The following SLC2A5 variants were observed in gnomAD, a reference collection of about 807,000 sequenced individuals.
The protein encoded by SLC2A5 is solute carrier family 2, facilitated glucose transporter member 5.
Under a neutral mutation model 50.3 loss-of-function variants are expected in SLC2A5, and 56 were observed. The observed-to-expected ratio is 1.11, with a 90% CI of 0.90 to 1.39. SLC2A5 has a LOEUF of 1.39. SLC2A5 is among the 40% of genes most tolerant of loss of function. The pLI, the probability that SLC2A5 is intolerant of heterozygous loss-of-function variation, is 0.00. For missense variants in SLC2A5, 566 were observed against 650.1 expected (o/e 0.87, Z 1.41); for synonymous variants, 269 against 281.9 (o/e 0.95, Z 0.46).
At chr1:9,066,871 G>A (rs530595239) in intron 1 of SLC2A5, among the ~76,000 whole-genome samples, 65 of 151,992 alleles carry the variant, frequency 4.3e-4, no homozygotes, top group African/African-American at 1.5e-3. Flanking sequence ...CCAGCTACTC[G>A]GGAGGCTGAG....
At chr1:9,074,913 C>A (rs1642263260) in intron 2 of SLC2A5, among the ~76,000 whole-genome samples, 1 of 151,946 alleles carries the variant, frequency 6.6e-6, no homozygotes, top group Non-Finnish European at 1.5e-5. Flanking sequence ...GTCCCAGCTA[C>A]TTGAGAGGCT....
chr1:9,075,909 C>T (rs374952060), intron 2 of SLC2A5, among the ~76,000 whole-genome samples: 26 of 152,054 alleles, frequency 1.7e-4, no homozygotes, highest in East Asian at 5.8e-4. Context: ...GATCCACCCA[C>T]CTCGGCCTCC....
chr1:9,046,109 A>C (rs550263196), intron 4 of SLC2A5, among the ~76,000 whole-genome samples: 1 of 152,244 alleles, frequency 6.6e-6, no homozygotes, highest in South Asian at 2.1e-4. Context: ...TGCGTTTGGA[A>C]GGAACAAATG....
intron 1 of SLC2A5, among the ~76,000 whole-genome samples, chr1:9,064,363 G>C (rs1328976118): frequency 6.6e-6 from 1 of 152,018 alleles, no homozygotes; most frequent in Non-Finnish European, 1.5e-5. Context: ...TTGTTAAAAT[G>C]AGAAGCCCCA....
At chr1:9,060,876 C>T (rs1455817119) in intron 1 of SLC2A5, among the ~76,000 whole-genome samples, 3 of 151,404 alleles carry the variant, frequency 2.0e-5, no homozygotes, top group African/African-American at 2.4e-5. Flanking sequence ...GGGGATATAG[C>T]GGTGAACAAA....
chr1:9,087,852 C>G (rs1182907832), intron 1 of SLC2A5, among the ~76,000 whole-genome samples: 1 of 152,154 alleles, frequency 6.6e-6, no homozygotes. Context: ...TCTTCTCTCT[C>G]TCTCTCTTCC....
chr1:9,076,007 G>A (rs539049341), intron 2 of SLC2A5, among the ~76,000 whole-genome samples: 1 of 150,740 alleles, frequency 6.6e-6, no homozygotes, highest in East Asian at 1.9e-4. Context: ...CCAGGCTGGG[G>A]TGCAGTGGCA....
chr1:9,047,780 T>C (rs1641473652), intron 3 of SLC2A5, 46 bp from the exon 4 acceptor site: 2 of 1,599,644 alleles, frequency 1.3e-6, no homozygotes, highest in Non-Finnish European at 1.7e-6. Flanking sequence ...GAATTCACTC[T>C]TTCATTCAAG....
chr1:9,069,097 G>T (rs193196214), intron 1 of SLC2A5, among the ~76,000 whole-genome samples: 2 of 152,262 alleles, frequency 1.3e-5, no homozygotes, highest in East Asian at 3.9e-4. Flanking sequence ...TTGCTTTCAT[G>T]CAGCTCAGCT....
chr1:9,090,111 C>T (rs916623743), upstream of SLC2A5, among the ~76,000 whole-genome samples: 7 of 152,068 alleles, frequency 4.6e-5, no homozygotes, highest in Non-Finnish European at 1.0e-4. Context: ...TTTGGTCATT[C>T]CTCACTGTCC....
At chr1:9,076,077 T>G (rs977877917) in intron 2 of SLC2A5, among the ~76,000 whole-genome samples, 1 of 151,954 alleles carries the variant, frequency 6.6e-6, no homozygotes, top group Non-Finnish European at 1.5e-5. Context: ...TGCCTCAGCC[T>G]CCCGAGTAAC....
At chr1:9,048,691 C>T (rs1451778048) in intron 3 of SLC2A5, among the ~76,000 whole-genome samples, 3 of 151,550 alleles carry the variant, frequency 2.0e-5, no homozygotes, top group Admixed American at 1.3e-4. Flanking sequence ...GACAGAGTCT[C>T]GCTCTGTCAC....
chr1:9,066,443 C>T (rs1029240800), intron 1 of SLC2A5, among the ~76,000 whole-genome samples: 2 of 152,126 alleles, frequency 1.3e-5, no homozygotes, highest in Non-Finnish European at 2.9e-5. Flanking sequence ...CCATGTTGCC[C>T]AGGCTGGTCC....
At chr1:9,046,325 C>T (rs1302219227) in intron 4 of SLC2A5, among the ~76,000 whole-genome samples, 1 of 152,208 alleles carries the variant, frequency 6.6e-6, no homozygotes, top group Admixed American at 6.5e-5. Flanking sequence ...CCTCATCTCT[C>T]CTCAGTGTGA....
chr1:9,040,237 G>A lies in SLC2A5; in HGVS notation c.572-48C>T. 4 of 1,531,996 alleles carry A rather than the reference G, an allele frequency of 2.6e-6. No individual in the cohort carries two copies. Among genetic ancestry groups the A allele is most frequent in the East Asian group, 2.5e-5 (1 of 40,808 alleles). 94.9% of individuals were successfully genotyped at this position (1,531,996 alleles called of 1,614,324 possible). ...GCACCAGCGGCCTCCCCACCACCCC[G>A]AAGGCGCCCTCTGCAGAGCCGGCCC... On this transcript the variant is annotated intron_variant, in intron 5 of 11. Transcript: ENST00000377424. This position sits in a 1 kb window ranked among gnomAD's most constrained non-coding sequence, Gnocchi z 4.3.
At chr1:9,038,753 T>C in intron 9 of SLC2A5, 75 bp downstream of exon 9, 1 of 1,492,250 alleles carries the variant, frequency 6.7e-7, no homozygotes, top group Non-Finnish European at 9.0e-7. Flanking sequence ...TTAAGGCAGG[T>C]GGAGGCGCAG....
At chr1:9,092,962 C>A (rs749969732), upstream of SLC2A5, among the ~76,000 whole-genome samples, 1 of 152,174 alleles carries the variant, frequency 6.6e-6, no homozygotes, top group Non-Finnish European at 1.5e-5. Context: ...GGCGCTCCCA[C>A]GTAAGCCTCT....
At chr1:9,057,638 A>C (rs1221582770) in intron 2 of SLC2A5, 30 bp from the exon 3 acceptor site, 4 of 1,599,392 alleles carry the variant, frequency 2.5e-6, no homozygotes, top group Non-Finnish European at 3.4e-6. Context: ...AGAACACCAA[A>C]ATAATTTGAT....
At chr1:9,080,566 T>C (rs1016888519) in intron 2 of SLC2A5, among the ~76,000 whole-genome samples, 8 of 152,344 alleles carry the variant, frequency 5.3e-5, no homozygotes, top group African/African-American at 1.4e-4. Context: ...GGTTTTGATT[T>C]GCATTTCCCT....
Sources: gnomAD v4.1 joint callset for allele counts (sites outside exome capture counted in the v4.1 genomes callset) on GRCh38, gnomAD v4.1.1 for gene constraint, Gnocchi (gnomAD v3.1) non-coding constraint, MANE v1.5 for transcripts, NCBI Gene and HGNC (gene_info 2026-07-23, HGNC 2026-07-21) for gene names.